RBFOX1: variants seen among roughly 807,000 people sequenced by gnomAD.
RBFOX1 encodes RNA binding fox-1 homolog 1.
Under a neutral mutation model 57.7 loss-of-function variants are expected in RBFOX1, and 8 were observed. The observed-to-expected ratio is 0.14, with a 90% CI of 0.08 to 0.25. The LOEUF (loss-of-function observed/expected upper bound fraction) is 0.25, where lower values mean the gene tolerates loss of function less well. RBFOX1 is among the 10% of genes least tolerant of loss of function. RBFOX1 has a pLI of 1.00. For missense variants in RBFOX1, 611 were observed against 548.5 expected, an observed-to-expected ratio of 1.11 and a Z score of -1.14; for synonymous variants, 326 against 222.4, an observed-to-expected ratio of 1.47 and a Z score of -4.15.
At chr16:6,711,311 A>G (rs2063672749) in intron 3 of RBFOX1, among the ~76,000 whole-genome samples, 1 of 152,160 alleles carries the variant, frequency 6.6e-6, no homozygotes, top group South Asian at 2.1e-4. Flanking sequence ...TGAGAATAAA[A>G]GAAAAAGTCC....
intron 4 of RBFOX1, among the ~76,000 whole-genome samples, chr16:5,974,251 G>A (rs561873948): frequency 3.3e-5 from 5 of 152,258 alleles, no homozygotes; most frequent in Admixed American, 1.3e-4. Flanking sequence ...GCAAAGAGAG[G>A]TAGAGTTTCA....
rs2084031251 is a variant in RBFOX1, at chr16:7,711,721, AG to A, written c.*977del. The A allele has an allele frequency of 6.6e-6, 1 of 152,634 alleles. No homozygotes were observed. The highest frequency in any genetic ancestry group is 1.5e-5 in the Non-Finnish European group (1 of 68,028). The allele number at this position is 152,634 out of a possible 1,614,324, so 9.5% of individuals were successfully genotyped here. Reference sequence around the variant, plus strand: ...GTTAAGTTCTAGAAACAGTCTATGAAGCTTTAGTTTTAGCCTAGTAGAACAA... The same window carrying A: ...GTTAAGTTCTAGAAACAGTCTATGAACTTTAGTTTTAGCCTAGTAGAACAA... On this transcript the variant is annotated 3_prime_UTR_variant, in exon 16 of 16. Transcript: ENST00000550418.
intron 4 of RBFOX1, chr16:7,328,721 G>C (rs1384441663): frequency 6.6e-6 from 1 of 151,806 alleles, no homozygotes; most frequent in Non-Finnish European, 1.5e-5. Context: ...CTCTGGCACA[G>C]GGAAAATGAG....
intron 3 of RBFOX1, among the ~76,000 whole-genome samples, chr16:6,864,475 CAT>C (rs890910899): frequency 1.2e-4 from 18 of 151,456 alleles, no homozygotes; most frequent in African/African-American, 4.1e-4. Flanking sequence ...GTATAAATGA[CAT>C]AATCTCAAAT....
At chr16:5,492,642 C>T (rs1597285590) in intron 2 of RBFOX1, among the ~76,000 whole-genome samples, 1 of 152,158 alleles carries the variant, frequency 6.6e-6, no homozygotes, top group South Asian at 2.1e-4. Context: ...GTGAGTGAGT[C>T]GTTTGGATGA....
intron 3 of RBFOX1, among the ~76,000 whole-genome samples, chr16:5,687,674 G>T (rs1596758295): frequency 1.3e-5 from 2 of 152,150 alleles, no homozygotes; most frequent in Non-Finnish European, 1.5e-5. Flanking sequence ...ATTCCAGTCT[G>T]CCTGATACTG....
Position 5,956,489 on chromosome 16 carries a change from C to T in RBFOX1, c.351+89154C>T, listed in dbSNP as rs369629669. Among the ~76,000 whole-genome samples, 7 of 151,314 alleles carry T rather than the reference C, an allele frequency of 4.6e-5. No individual in the cohort carries two copies. In the East Asian group the frequency reaches 7.8e-4, roughly 17 times the overall value. ...TGTACAGTCAAATTTACATGAATGC[C>T]CTGGAGCTCCTGTTAAAAATGCAAA... On this transcript the variant is annotated intron_variant, in intron 4 of 19. Transcript: ENST00000641259.
At chr16:7,593,421 G>T (rs1207810313) in intron 7 of RBFOX1, among the ~76,000 whole-genome samples, 1 of 152,104 alleles carries the variant, frequency 6.6e-6, no homozygotes, top group Non-Finnish European at 1.5e-5. Context: ...GTTGGCGAGT[G>T]TATTTGCATA....
At chr16:5,857,085 C>A (rs768733226) in intron 3 of RBFOX1, among the ~76,000 whole-genome samples, 4 of 152,138 alleles carry the variant, frequency 2.6e-5, no homozygotes, top group Non-Finnish European at 2.9e-5. Context: ...GTGACTCTTT[C>A]TTTCACTTGA....
intron 4 of RBFOX1, among the ~76,000 whole-genome samples, chr16:7,356,786 C>G (rs911635636): frequency 3.9e-5 from 6 of 152,214 alleles, no homozygotes; most frequent in African/African-American, 1.4e-4. Flanking sequence ...TCTGCAGTGC[C>G]TTTTCCAGTG....
At chr16:6,428,763 T>A (rs1009413028) in intron 2 of RBFOX1, among the ~76,000 whole-genome samples, 4 of 152,240 alleles carry the variant, frequency 2.6e-5, no homozygotes, top group Admixed American at 2.6e-4. Flanking sequence ...AGTTCTTTGA[T>A]ATAATCATTT....
chr16:7,686,591 A>G (rs1346122440), intron 14 of RBFOX1, among the ~76,000 whole-genome samples: 1 of 152,108 alleles, frequency 6.6e-6, no homozygotes, highest in Non-Finnish European at 1.5e-5. Context: ...GAAAAAGCCA[A>G]TTTTTCTACC....
intron 3 of RBFOX1, among the ~76,000 whole-genome samples, chr16:5,781,356 G>A (rs1189233052): frequency 6.6e-6 from 1 of 152,174 alleles, no homozygotes; most frequent in Non-Finnish European, 1.5e-5. Context: ...TCTAGAGTGA[G>A]CTTCTCAATG....
chr16:7,093,578 A>T (rs1381005857), intron 4 of RBFOX1, among the ~76,000 whole-genome samples: 1 of 152,168 alleles, frequency 6.6e-6, no homozygotes, highest in Non-Finnish European at 1.5e-5. Context: ...GAACATCTCA[A>T]ACTTCTCGTT....
intron 3 of RBFOX1, among the ~76,000 whole-genome samples, chr16:6,737,313 A>G (rs1445578046): frequency 6.6e-6 from 1 of 152,200 alleles, no homozygotes; most frequent in Non-Finnish European, 1.5e-5. Flanking sequence ...TATGTTATTT[A>G]TAGATTTCTT....
chr16:6,304,747 C>T (rs1292329767), intron 1 of RBFOX1, among the ~76,000 whole-genome samples: 5 of 151,510 alleles, frequency 3.3e-5, no homozygotes, highest in Non-Finnish European at 5.9e-5. Context: ...TAGCCAGGTG[C>T]GGTGGTGCAC....
chr16:6,811,784 G>A (rs1355892664), intron 3 of RBFOX1, among the ~76,000 whole-genome samples: 1 of 152,160 alleles, frequency 6.6e-6, no homozygotes, highest in Non-Finnish European at 1.5e-5. Flanking sequence ...AACTACTGGG[G>A]AGGCTGAGGC....
chr16:7,091,429 C>T (rs1006667046), intron 4 of RBFOX1, among the ~76,000 whole-genome samples: 6 of 151,222 alleles, frequency 4.0e-5, no homozygotes, highest in Admixed American at 4.0e-4. Context: ...AGAAGAGCAA[C>T]AAGTCAAGTC....
intron 4 of RBFOX1, among the ~76,000 whole-genome samples, chr16:5,965,955 C>A (rs962183278): frequency 6.6e-6 from 1 of 152,180 alleles, no homozygotes; most frequent in Non-Finnish European, 1.5e-5. Flanking sequence ...ATCCACCTGG[C>A]TGTGAAATGT....
Sources: allele counts gnomAD v4.1 joint callset (sites outside exome capture counted in the v4.1 genomes callset), GRCh38; gene constraint gnomAD v4.1.1; transcripts MANE v1.5; gene names NCBI Gene and HGNC (gene_info 2026-07-23, HGNC 2026-07-21).